Variants in CHCT1 observed in about 807,000 individuals in gnomAD.
CHCT1 encodes CHD1 helical C-terminal domain containing 1, also known as CHD1 helical C-terminal domain containing protein 1.
At chr17:60,422,739 A>AATG in the CHCT1 span, 1 of 1,292,758 alleles carries the variant, frequency 7.7e-7, no homozygotes, top group African/African-American at 1.5e-5. Context: ...AGAGAAGAAC[A>AATG]ATGATAGGGT....
At chr17:60,423,248 G>A in the CHCT1 span, among the ~76,000 whole-genome samples, 2 of 151,142 alleles carry the variant, frequency 1.3e-5, no homozygotes, top group South Asian at 4.2e-4. Context: ...CTGGACTGCA[G>A]TGGCATGATC....
chr17:60,429,340 T>C, the CHCT1 span: 1 of 1,608,296 alleles, frequency 6.2e-7, no homozygotes, highest in Admixed American at 1.7e-5. Flanking sequence ...ACACTCTCCT[T>C]AACACGGAGG....
At chr17:60,425,956 C>A in the CHCT1 span, 1 of 1,386,180 alleles carries the variant, frequency 7.2e-7, no homozygotes, top group South Asian at 1.2e-5. Context: ...CAGGAAATGG[C>A]AGGCCTCAGA....
chr17:60,427,098 G>A, the CHCT1 span, among the ~76,000 whole-genome samples: 6 of 152,226 alleles, frequency 3.9e-5, no homozygotes, highest in Admixed American at 6.5e-5. Context: ...GTGAGCTGGT[G>A]GTATTACACA....
At chr17:60,423,044 G>A in the CHCT1 span, among the ~76,000 whole-genome samples, 3 of 152,050 alleles carry the variant, frequency 2.0e-5, no homozygotes, top group Non-Finnish European at 4.4e-5. Context: ...TGGTCTGGAC[G>A]GGATCTTCCT....
chr17:60,421,435 G>T, the CHCT1 span: 89 of 985,658 alleles, frequency 9.0e-5, no homozygotes, highest in East Asian at 8.6e-3. Flanking sequence ...GGAGGCCCGG[G>T]CCGACGGCGG....
At chr17:60,426,613 G>T in the CHCT1 span, 3 of 1,462,452 alleles carry the variant, frequency 2.1e-6, no homozygotes, top group Non-Finnish European at 2.8e-6. Context: ...CCCCAAAGGG[G>T]CATGTGGCCC....
At chr17:60,428,503 T>C in the CHCT1 span, among the ~76,000 whole-genome samples, 1 of 144,362 alleles carries the variant, frequency 6.9e-6, no homozygotes, top group African/African-American at 2.9e-5. Context: ...TTTTTTTTTT[T>C]CGAGACAGAG....
the CHCT1 span, chr17:60,426,672 A>G: frequency 2.5e-6 from 4 of 1,576,590 alleles, no homozygotes; most frequent in African/African-American, 1.4e-5. Context: ...TGGAGGGAGG[A>G]AGCGCTGTGC....
the CHCT1 span, chr17:60,422,124 C>A: frequency 3.1e-6 from 1 of 317,960 alleles, no homozygotes. Context: ...CTCCCTAGAC[C>A]TCTGTCCCAA....
At chr17:60,426,342 G>A in the CHCT1 span, 8 of 1,549,486 alleles carry the variant, frequency 5.2e-6, no homozygotes, top group Middle Eastern at 3.4e-4. Context: ...AGAAAGTAGG[G>A]CAGTCTCTTT....
At chr17:60,425,966 A>G in the CHCT1 span, 1 of 1,344,366 alleles carries the variant, frequency 7.4e-7, no homozygotes, top group Non-Finnish European at 1.0e-6. Context: ...CAGGCCTCAG[A>G]CCCACAGCGC....
the CHCT1 span, chr17:60,426,547 G>A: frequency 8.8e-7 from 1 of 1,138,608 alleles, no homozygotes; most frequent in East Asian, 2.6e-5. Flanking sequence ...CTCAATACCA[G>A]GATAGGATAT....
chr17:60,425,409 CT>C, the CHCT1 span, among the ~76,000 whole-genome samples: 1 of 152,160 alleles, frequency 6.6e-6, no homozygotes, highest in African/African-American at 2.4e-5. Context: ...TCTGCTGCCA[CT>C]TTTGCTGTCT....
At chr17:60,426,181 G>A in the CHCT1 span, 44 of 1,551,594 alleles carry the variant, frequency 2.8e-5, no homozygotes, top group African/African-American at 1.2e-4. Context: ...ACCTAAGACC[G>A]CTGAAGAAGT....
the CHCT1 span, among the ~76,000 whole-genome samples, chr17:60,425,095 A>G: frequency 6.6e-6 from 1 of 152,118 alleles, no homozygotes; most frequent in South Asian, 2.1e-4. Flanking sequence ...ACTCTGACCA[A>G]TCAATGGCCC....
At chr17:60,422,032 A>AGCACCCC in the CHCT1 span, 711 of 846,946 alleles carry the variant, frequency 8.4e-4, 10 homozygotes, top group African/African-American at 0.013. Flanking sequence ...CCCAGCACCC[A>AGCACCCC]GCACGGAGGG....
the CHCT1 span, chr17:60,431,198 T>C: frequency 6.2e-7 from 1 of 1,602,562 alleles, no homozygotes. Context: ...AAGGGAGCTT[T>C]CTCAAAAACC....
At chr17:60,431,068 T>C in the CHCT1 span, 9 of 696,614 alleles carry the variant, frequency 1.3e-5, no homozygotes, top group South Asian at 1.9e-5. Flanking sequence ...GGAAGTAAGA[T>C]AGGATTTTGC....
Sources: gnomAD v4.1 joint callset for allele counts (sites outside exome capture counted in the v4.1 genomes callset) on GRCh38, gnomAD v4.1.1 for gene constraint, MANE v1.5 for transcripts, NCBI Gene and HGNC (gene_info 2026-07-23, HGNC 2026-07-21) for gene names.